EVC: variants seen among roughly 807,000 people sequenced by gnomAD.
EVC encodes the protein evC complex member EVC.
EVC carries 116 observed loss-of-function variants against 118.9 expected under a neutral mutation model. The observed-to-expected ratio is 0.98, with a 90% confidence interval of 0.84 to 1.14. EVC has a LOEUF of 1.14. EVC is among the 50% of genes most tolerant of loss of function. EVC has a pLI of 0.00. For synonymous variants in EVC, 619 were observed against 534.7 expected (o/e 1.16, Z -2.18); for missense variants, 1,401 against 1,246.4 (o/e 1.12, Z -1.87).
chr4:5,804,371 G>A (rs376094697), intron 16 of EVC, among the ~76,000 whole-genome samples: 2 of 152,160 alleles, frequency 1.3e-5, no homozygotes, highest in Middle Eastern at 3.2e-3. Context: ...CACCCACTTC[G>A]GCACTGTGCC....
chr4:5,820,891 T>G, the EVC span: 1 of 151,740 alleles, frequency 6.6e-6, no homozygotes, highest in Non-Finnish European at 1.5e-5. Flanking sequence ...AAAGGAAAAC[T>G]TTGTACAAAA....
rs1376718187 is a variant in EVC at position 5,755,652 on chromosome 4, T to C, written c.1465-612T>C. Among the ~76,000 whole-genome samples the C allele has an allele frequency of 2.0e-5, 3 of 152,160 alleles. No homozygotes were observed. Among genetic ancestry groups the C allele is most frequent in the African/African-American group, 4.8e-5 (2 of 41,438 alleles). The stretch of plus-strand genomic sequence containing the variant: ...TCCTTCCTTGTCCTTAGAGACTCCA[T>C]TGAAACATCTCCCCAACAGGGAATT... On this transcript the variant is annotated intron_variant, in intron 10 of 20. Coordinates refer to ENST00000264956, the MANE Select transcript of EVC (RefSeq NM_153717.3). This position sits in a 1 kb window ranked among gnomAD's most constrained non-coding sequence, Gnocchi z 4.1.
At chr4:5,771,316 A>G (rs757173156) in intron 11 of EVC, among the ~76,000 whole-genome samples, 2 of 152,016 alleles carry the variant, frequency 1.3e-5, no homozygotes, top group Admixed American at 6.5e-5. Flanking sequence ...CCTTTCTTCC[A>G]TCTTCAGGGC....
At chr4:5,810,571 T>C in intron 20 of EVC, 121 bp downstream of exon 20, 1 of 782,282 alleles carries the variant, frequency 1.3e-6, no homozygotes, top group Non-Finnish European at 2.2e-6. Flanking sequence ...AATGTGAAGG[T>C]TCAAGAAATG....
intron 1 of EVC, among the ~76,000 whole-genome samples, chr4:5,714,688 C>T (rs573516000): frequency 6.6e-6 from 1 of 152,300 alleles, no homozygotes; most frequent in African/African-American, 2.4e-5. Context: ...TATTACAATT[C>T]TACAAACATT....
intron 11 of EVC, among the ~76,000 whole-genome samples, chr4:5,772,367 A>G (rs1734117325): frequency 7.8e-6 from 1 of 128,910 alleles, no homozygotes; most frequent in Non-Finnish European, 1.7e-5. Context: ...TCGTTCAAGA[A>G]GCAAACAGAC....
rs796586373 is a variant in EVC at position 5,761,518 on chromosome 4, G to A, written c.1563+5156G>A. On this transcript the variant is annotated intron_variant, in intron 11 of 20. Transcript: ENST00000264956. ...GGCGGGGGGCGGGGGGTGGTTGGGGGGTGGGGCAGCAATGAGAGGAACAGT... is the reference window on the plus strand; with the variant it reads ...GGCGGGGGGCGGGGGGTGGTTGGGGAGTGGGGCAGCAATGAGAGGAACAGT... 7.0e-4 allele frequency among the ~76,000 whole-genome samples: 105 copies of A among 150,322 alleles called. 1 individual carries two copies. The highest frequency in any genetic ancestry group is 2.5e-3 in the African/African-American group (102 of 40,624).
At chr4:5,784,606 A>ATTTT (rs35237111) in intron 12 of EVC, among the ~76,000 whole-genome samples, 4 of 111,176 alleles carry the variant, frequency 3.6e-5, no homozygotes, top group African/African-American at 7.1e-5. Context: ...ATACACATTG[A>ATTTT]TTTTTTTTTT....
In EVC at chr4:5,798,452, C is replaced by T. The variant is rs1274705860; in HGVS notation, c.2098-134C>T. ...TTGATTTTTGCAAGCCCAGAGGCCACCTCTTTCTGCCCTTTCTCCATCCCT... is the reference window on the plus strand; with the variant it reads ...TTGATTTTTGCAAGCCCAGAGGCCATCTCTTTCTGCCCTTTCTCCATCCCT... On this transcript the variant is annotated intron_variant, in intron 14 of 20. Transcript: ENST00000264956. This position sits in a 1 kb window ranked among gnomAD's most constrained non-coding sequence, Gnocchi z 4.1. The T allele has an allele frequency of 5.8e-5, 52 of 895,282 alleles. No individual in the cohort carries two copies. Among genetic ancestry groups the T allele is most frequent in the Non-Finnish European group, 1.8e-6 (1 of 557,066 alleles). The allele number at this position is 895,282 out of a possible 1,614,324, so 55.5% of individuals were successfully genotyped here. A position where few individuals can be genotyped will look rare whatever the true frequency, so the allele number is the denominator to read the frequency against.
At chr4:5,730,907 GGCGTGGTGT>G (rs141408059) in intron 3 of EVC, among the ~76,000 whole-genome samples, 2 of 95,574 alleles carry the variant, frequency 2.1e-5, no homozygotes, top group South Asian at 3.8e-4. Context: ...ACCTCCTGTG[GGCGTGGTGT>G]GCATGGTGTG....
rs74719238 is a variant in EVC at position 5,782,905 on chromosome 4, G to T, written c.1564-647G>T. ...ATAATCTAGATGGTGACCCAGGGGA[G>T]GCCCTAATGATGGTTTTGAGGAGAT... is the stretch of plus-strand genomic sequence containing the variant. On this transcript the variant is annotated intron_variant, in intron 11 of 20. Transcript: ENST00000264956. Among the ~76,000 whole-genome samples, 784 of 152,304 alleles carry T rather than the reference G, an allele frequency of 5.1e-3. 6 individuals carry two copies. The highest frequency in any genetic ancestry group is 0.018 in the African/African-American group (732 of 41,548).
At position 5,804,651 on chromosome 4, in the gene EVC, C is replaced by A. The variant is rs577514737; in HGVS notation, c.2450-79C>A. ...GAGCTGGTGTGTCTCACTCACCCTG[C>A]ACCCCAGCACCTGCCCCAGACCTGG... On this transcript the variant is annotated intron_variant, in intron 16 of 20. Coordinates refer to ENST00000264956, the MANE Select transcript of EVC (RefSeq NM_153717.3). The A allele has an allele frequency of 7.6e-5, 93 of 1,230,216 alleles. No homozygotes were observed. The African/African-American group carries it at 9.6e-4, about 13-fold the overall frequency. 76.2% of individuals were successfully genotyped at this position (1,230,216 alleles called of 1,614,324 possible).
chr4:5,715,260 T>C (rs931637925), intron 1 of EVC, among the ~76,000 whole-genome samples: 4 of 152,228 alleles, frequency 2.6e-5, no homozygotes, highest in Admixed American at 6.5e-5. Context: ...CCAGAAACAT[T>C]CTGACAAGCT....
At chr4:5,747,546 A>T (rs535929332) in intron 7 of EVC, among the ~76,000 whole-genome samples, 3 of 152,182 alleles carry the variant, frequency 2.0e-5, no homozygotes, top group African/African-American at 7.2e-5. Context: ...TCCGATTCCT[A>T]GTGTCATTGT....
chr4:5,793,147 T>C (rs1013092655), intron 12 of EVC, among the ~76,000 whole-genome samples: 8 of 152,166 alleles, frequency 5.3e-5, no homozygotes, highest in African/African-American at 1.9e-4. Flanking sequence ...ATTTAATTGC[T>C]ACATTAGTAA....
chr4:5,733,079 C>G (rs748275142), intron 4 of EVC, among the ~76,000 whole-genome samples: 1 of 152,178 alleles, frequency 6.6e-6, no homozygotes, highest in Non-Finnish European at 1.5e-5. Flanking sequence ...TTATTTCTCT[C>G]CCTTCCCTCT....
At chr4:5,810,255 C>A (rs1229969912) in intron 19 of EVC, 84 bp from the exon 20 acceptor site, 9 of 1,037,604 alleles carry the variant, frequency 8.7e-6, no homozygotes, top group Non-Finnish European at 4.5e-6. Context: ...TCAAAAATGT[C>A]AGGCTGGGTT....
intron 13 of EVC, among the ~76,000 whole-genome samples, chr4:5,794,428 A>G (rs774637268): frequency 4.1e-5 from 6 of 146,818 alleles, no homozygotes; most frequent in Non-Finnish European, 8.9e-5. Flanking sequence ...TTTTCTCGAG[A>G]CAGACTCTCG....
At chr4:5,815,242 G>A (rs1056233283), downstream of EVC, among the ~76,000 whole-genome samples, 2 of 152,216 alleles carry the variant, frequency 1.3e-5, no homozygotes, top group Non-Finnish European at 2.9e-5. Context: ...GGTGGCAGAA[G>A]TGTGAGCTCC....
Sources: gnomAD v4.1 joint callset for allele counts (sites outside exome capture counted in the v4.1 genomes callset) on GRCh38, gnomAD v4.1.1 for gene constraint, Gnocchi (gnomAD v3.1) non-coding constraint, MANE v1.5 for transcripts, NCBI Gene and HGNC (gene_info 2026-07-23, HGNC 2026-07-21) for gene names.